Variants in PCDH9 observed in about 807,000 individuals in gnomAD.
PCDH9 encodes protocadherin-9.
PCDH9 carries 24 observed loss-of-function variants against 70.6 expected under a neutral mutation model. The observed-to-expected ratio is 0.34, with a 90% CI of 0.25 to 0.48. The LOEUF (loss-of-function observed/expected upper bound fraction) is 0.48, where lower values mean the gene tolerates loss of function less well. Ranked by LOEUF, PCDH9 falls within the 20% of genes least tolerant of loss-of-function variation. PCDH9 has a pLI of 0.99. For missense variants in PCDH9, 1,281 were observed against 1,503.6 expected (o/e 0.85, Z 2.45); for synonymous variants, 562 against 558.5 (o/e 1.01, Z -0.09).
At position 66,512,629 on chromosome 13, in the gene PCDH9, C is replaced by T. The variant is rs970221661; in HGVS notation, c.3340+118581G>A. The stretch of plus-strand genomic sequence containing the variant: ...CTTTGTCAGTTTGCCTATATTATTT[C>T]GAGAAGTAAAACACACACACAGACA... On this transcript the variant is annotated intron_variant, in intron 4 of 4. Coordinates refer to ENST00000377865, the MANE Select transcript of PCDH9 (RefSeq NM_203487.3). Among the ~76,000 whole-genome samples, 7 of 151,976 alleles carry T rather than the reference C, an allele frequency of 4.6e-5. No individual in the cohort carries two copies. In the East Asian group the frequency reaches 7.7e-4, roughly 17 times the overall value.
intron 3 of PCDH9, among the ~76,000 whole-genome samples, chr13:66,681,445 A>G (rs1055040475): frequency 6.6e-6 from 1 of 152,088 alleles, no homozygotes; most frequent in African/African-American, 2.4e-5. Flanking sequence ...AAAATTACAG[A>G]ATGATTTCTC....
chr13:67,090,538 T>C (rs1386005869), intron 2 of PCDH9, among the ~76,000 whole-genome samples: 1 of 151,406 alleles, frequency 6.6e-6, no homozygotes, highest in African/African-American at 2.4e-5. Context: ...AACACTGTTA[T>C]AACTTAGAAA....
chr13:66,705,528 A>C (rs1436367016), intron 3 of PCDH9, among the ~76,000 whole-genome samples: 1 of 152,218 alleles, frequency 6.6e-6, no homozygotes, highest in Non-Finnish European at 1.5e-5. Flanking sequence ...TAGTAAGAGA[A>C]GTTTGAAAGT....
chr13:66,575,985 C>T (rs1329406022), intron 4 of PCDH9, among the ~76,000 whole-genome samples: 1 of 150,688 alleles, frequency 6.6e-6, no homozygotes, highest in African/African-American at 2.4e-5. Context: ...AAAAAGTCAC[C>T]AGATTAAAAT....
chr13:66,387,072 A>G (rs2138258039), intron 4 of PCDH9, among the ~76,000 whole-genome samples: 1 of 152,336 alleles, frequency 6.6e-6, no homozygotes. Flanking sequence ...TAAGGATAAT[A>G]TACCAGTTTT....
At chr13:66,693,212 T>A (rs1217537726) in intron 3 of PCDH9, among the ~76,000 whole-genome samples, 2 of 152,134 alleles carry the variant, frequency 1.3e-5, no homozygotes, top group Non-Finnish European at 2.9e-5. Context: ...ATTTTTCTGC[T>A]TATGCCACAG....
At chr13:67,004,859 A>C (rs2084319180) in intron 2 of PCDH9, among the ~76,000 whole-genome samples, 1 of 152,166 alleles carries the variant, frequency 6.6e-6, no homozygotes, top group Non-Finnish European at 1.5e-5. Context: ...CTCCTGACAA[A>C]TAATAATAAA....
At chr13:66,887,172 C>A (rs1312857446) in intron 3 of PCDH9, among the ~76,000 whole-genome samples, 1 of 151,452 alleles carries the variant, frequency 6.6e-6, no homozygotes, top group Non-Finnish European at 1.5e-5. Flanking sequence ...CACCGCATCA[C>A]CAAGTTCACA....
Position 66,790,188 on chromosome 13 carries a change from C to A in PCDH9, c.3138+113316G>T, listed in dbSNP as rs529056330. 2.6e-5 allele frequency among the ~76,000 whole-genome samples: 4 copies of A among 152,146 alleles called. No homozygotes were observed. In the East Asian group the frequency reaches 7.7e-4, roughly 29 times the overall value. ...TTTCATTGTTTATTACTTGACATTT[C>A]TGTAATAAATAATAAGGTGGGACAT... On this transcript the variant is annotated intron_variant, in intron 3 of 4. Transcript: ENST00000377865.
intron 4 of PCDH9, among the ~76,000 whole-genome samples, chr13:66,617,849 C>T (rs2077375857): frequency 6.6e-6 from 1 of 151,942 alleles, no homozygotes; most frequent in African/African-American, 2.4e-5. Flanking sequence ...CCTGAGGGAC[C>T]TCAGACTGCC....
chr13:66,660,008 T>C (rs571373053), intron 3 of PCDH9, among the ~76,000 whole-genome samples: 2 of 152,314 alleles, frequency 1.3e-5, no homozygotes, highest in East Asian at 3.9e-4. Flanking sequence ...TTTAAGTCTT[T>C]CCAATGTTTG....
rs765270091 is a variant in PCDH9 at position 67,154,605 on chromosome 13, TACACACACACACAC to T, written c.3036+70786_3036+70799del. On this transcript the variant is annotated intron_variant, in intron 2 of 4. Transcript: ENST00000377865. ...AAAAAAAAAAAAAAAAATATATATA[TACACACACACACAC>T]ACACACACACACACACACACACACA... 4.2e-4 allele frequency among the ~76,000 whole-genome samples: 39 copies of T among 93,290 alleles called. 3 individuals carry two copies. Among genetic ancestry groups the T allele is most frequent in the African/African-American group, 1.3e-3 (28 of 21,986 alleles). 61.2% of individuals were successfully genotyped at this position (93,290 alleles called of 152,430 possible).
intron 2 of PCDH9, among the ~76,000 whole-genome samples, chr13:66,958,876 G>C (rs2083302902): frequency 6.6e-6 from 1 of 152,154 alleles, no homozygotes; most frequent in Non-Finnish European, 1.5e-5. Flanking sequence ...TTTATACTTA[G>C]ACGTTTTTCT....
In PCDH9 at chr13:67,230,159, A is replaced by C. The variant is rs1302994997; in HGVS notation, c.-515T>G. ...TCTAACTTCTTGTAGGAAACGTCAG[A>C]GTTGCGGTGATGATGATTCTCTGAC... On this transcript the variant is annotated 5_prime_UTR_variant, in exon 1 of 5. Transcript: ENST00000377865. 1 of 152,128 alleles carries C rather than the reference A, an allele frequency of 6.6e-6. No individual in the cohort carries two copies. Among genetic ancestry groups the C allele is most frequent in the Non-Finnish European group, 1.5e-5 (1 of 68,038 alleles). The allele number at this position is 152,128 out of a possible 1,614,324, so 9.4% of individuals were successfully genotyped here. A position where few individuals can be genotyped will look rare whatever the true frequency, so the allele number is the denominator to read the frequency against.
intron 3 of PCDH9, among the ~76,000 whole-genome samples, chr13:66,860,283 T>A (rs2081460587): frequency 6.6e-6 from 1 of 151,744 alleles, no homozygotes. Context: ...TAAAGCTATA[T>A]AAGCATTCGC....
intron 4 of PCDH9, among the ~76,000 whole-genome samples, chr13:66,541,194 T>C (rs2324915): frequency 0.24 from 35,904 of 152,082 alleles, 4,715 homozygotes; most frequent in South Asian, 0.34. Context: ...AAATGGGGCA[T>C]TCCCTCTTTA....
At chr13:66,476,310 TA>T (rs35229725) in intron 4 of PCDH9, among the ~76,000 whole-genome samples, 130,301 of 151,940 alleles carry the variant, frequency 0.86, 55,998 homozygotes, top group East Asian at 1. Context: ...AATTACATTT[TA>T]AAAAAATCAC....
At chr13:66,939,248 T>C (rs1008439419) in intron 2 of PCDH9, among the ~76,000 whole-genome samples, 29 of 152,178 alleles carry the variant, frequency 1.9e-4, no homozygotes, top group African/African-American at 6.8e-4. Flanking sequence ...ATTGTATTAA[T>C]GAAGAATCAT....
intron 3 of PCDH9, among the ~76,000 whole-genome samples, chr13:66,818,806 C>T (rs1201480846): frequency 6.6e-6 from 1 of 152,006 alleles, no homozygotes; most frequent in Non-Finnish European, 1.5e-5. Context: ...AGGTGGCGGG[C>T]GCCTATAGTC....
Sources: gnomAD v4.1 joint callset for allele counts (sites outside exome capture counted in the v4.1 genomes callset) on GRCh38, gnomAD v4.1.1 for gene constraint, MANE v1.5 for transcripts, NCBI Gene and HGNC (gene_info 2026-07-23, HGNC 2026-07-21) for gene names.